Variants in MRPL3 observed in about 807,000 individuals in gnomAD.
MRPL3 encodes mitochondrial ribosomal protein L3.
Under a neutral mutation model 44.3 loss-of-function variants are expected in MRPL3, and 43 were observed. That is an observed-to-expected ratio of 0.97 (90% CI 0.76 to 1.25). The LOEUF (loss-of-function observed/expected upper bound fraction) is 1.25, where lower values mean the gene tolerates loss of function less well. MRPL3 is among the 50% of genes most tolerant of loss of function. The pLI is 0.00. For missense variants in MRPL3, 406 were observed against 427.6 expected, an observed-to-expected ratio of 0.95 and a Z score of 0.45; for synonymous variants, 171 against 152.3, an observed-to-expected ratio of 1.12 and a Z score of -0.91.
At chr3:131,465,295 G>C (rs974676668) in intron 9 of MRPL3, among the ~76,000 whole-genome samples, 2 of 152,164 alleles carry the variant, frequency 1.3e-5, no homozygotes, top group Non-Finnish European at 2.9e-5. Flanking sequence ...AGAGTGAATA[G>C]AGTTTTTGGA....
In MRPL3 at chr3:131,469,779, T is replaced by C. The variant is rs753928484; in HGVS notation, c.739-6A>G. 2 of 1,605,026 alleles carry C rather than the reference T, an allele frequency of 1.2e-6. No individual in the cohort carries two copies. The highest frequency in any genetic ancestry group is 1.7e-6 in the Non-Finnish European group (2 of 1,173,068). ...GGCCAGACTCTGCCAATATCCTAAA[T>C]GAGAAAACTAAAGTTAACACTTTTA... On this transcript the variant is annotated splice_polypyrimidine_tract_variant and splice_region_variant and intron_variant, in intron 7 of 9. Coordinates refer to ENST00000264995, the MANE Select transcript of MRPL3 (RefSeq NM_007208.4).
At position 131,501,714 on chromosome 3, in the gene MRPL3, T is replaced by A. The variant is rs780418386; in HGVS notation, c.94A>T (p.Thr32Ser). The A allele has an allele frequency of 1.2e-6, 2 of 1,601,054 alleles. No individual in the cohort carries two copies. Among genetic ancestry groups the A allele is most frequent in the South Asian group, 2.3e-5 (2 of 87,858 alleles). Residue 32 changes from threonine to serine, a missense_variant and splice_region_variant, in exon 2 of 10, where the codon ACA (threonine) becomes TCA (serine). Physicochemically the swap from Thr to Ser is moderately conservative, Grantham distance 58. Coordinates refer to ENST00000264995, the MANE Select transcript of MRPL3 (RefSeq NM_007208.4). The stretch of plus-strand genomic sequence containing the variant: ...CCTCTAACAAAAAGCCAGATGTGTG[T>A]TCTATAAAAAGAAAAAATAAATAAA... ...LGAALGPGNR[T>S]HIWLFVRGLH...
intron 6 of MRPL3, among the ~76,000 whole-genome samples, chr3:131,477,714 T>C (rs1373152180): frequency 6.6e-6 from 1 of 152,182 alleles, no homozygotes; most frequent in African/African-American, 2.4e-5. Context: ...TCAGTAGAGA[T>C]CTCTAAAAGA....
chr3:131,498,313 C>T (rs1934414034), intron 3 of MRPL3, 36 bp from the exon 4 acceptor site: 12 of 1,345,088 alleles, frequency 8.9e-6, no homozygotes, highest in Non-Finnish European at 1.2e-5. Flanking sequence ...AAGCATGTGC[C>T]AATATATATT....
At chr3:131,467,953 C>T in intron 9 of MRPL3, 138 bp downstream of exon 9, 1 of 446,324 alleles carries the variant, frequency 2.2e-6, no homozygotes. Context: ...TATTTATAAG[C>T]CACATATATG....
At chr3:131,470,941 G>A (rs1210987954) in intron 7 of MRPL3, among the ~76,000 whole-genome samples, 1 of 152,048 alleles carries the variant, frequency 6.6e-6, no homozygotes, top group African/African-American at 2.4e-5. Flanking sequence ...TAGACTCAGG[G>A]TATATACAGC....
At chr3:131,495,538 C>T (rs556783256) in intron 4 of MRPL3, among the ~76,000 whole-genome samples, 1 of 152,116 alleles carries the variant, frequency 6.6e-6, no homozygotes, top group South Asian at 2.1e-4. Flanking sequence ...CAAAATCCAC[C>T]ACAACATTAG....
chr3:131,468,049 C>A (rs200782875), intron 9 of MRPL3, 42 bp downstream of exon 9: 210 of 860,632 alleles, frequency 2.4e-4, no homozygotes, highest in South Asian at 1.0e-3. Context: ...GAGTAAGAAA[C>A]AAAAAAAAAA....
chr3:131,486,158 TAC>T (rs1006017867), intron 6 of MRPL3, among the ~76,000 whole-genome samples: 3 of 151,942 alleles, frequency 2.0e-5, no homozygotes, highest in Non-Finnish European at 4.4e-5. Flanking sequence ...ATCCCTTTCT[TAC>T]ACCTTATACA....
At chr3:131,479,235 C>T in intron 6 of MRPL3, 1 of 511,102 alleles carries the variant, frequency 2.0e-6, no homozygotes, top group Non-Finnish European at 3.9e-6. Context: ...AGTATGCCCT[C>T]CAAATTAAGT....
intron 6 of MRPL3, among the ~76,000 whole-genome samples, chr3:131,484,966 T>C (rs902109361): frequency 2.0e-5 from 3 of 152,168 alleles, no homozygotes; most frequent in Non-Finnish European, 4.4e-5. Context: ...GAATATTGTA[T>C]TGTAGCCCAT....
chr3:131,496,238 T>G (rs915963917), intron 4 of MRPL3, among the ~76,000 whole-genome samples: 2 of 152,194 alleles, frequency 1.3e-5, no homozygotes, highest in Non-Finnish European at 2.9e-5. Flanking sequence ...TGGTACATAA[T>G]AAATTTTTAA....
At chr3:131,489,948 T>A in intron 5 of MRPL3, 33 bp downstream of exon 5, 1 of 1,417,590 alleles carries the variant, frequency 7.1e-7, no homozygotes, top group Non-Finnish European at 9.9e-7. Flanking sequence ...TTTGGGTATT[T>A]TTACCTCCCT....
intron 5 of MRPL3, 107 bp from the exon 6 acceptor site, chr3:131,487,847 G>GT: frequency 1.3e-6 from 1 of 786,312 alleles, no homozygotes. Context: ...TTCAAAAATG[G>GT]TAAGAGATTC....
chr3:131,488,902 A>G (rs1934187570), intron 5 of MRPL3: 1 of 152,072 alleles, frequency 6.6e-6, no homozygotes, highest in Non-Finnish European at 1.5e-5. Context: ...TGATTTGTCA[A>G]TCAAAAAATA....
intron 6 of MRPL3, among the ~76,000 whole-genome samples, chr3:131,478,370 G>T (rs1242794562): frequency 2.0e-5 from 3 of 151,988 alleles, no homozygotes; most frequent in Non-Finnish European, 4.4e-5. Flanking sequence ...TCCTACCACA[G>T]GGCAGAATTC....
intron 4 of MRPL3, among the ~76,000 whole-genome samples, chr3:131,496,594 T>C (rs908428662): frequency 2.0e-5 from 3 of 152,178 alleles, no homozygotes; most frequent in African/African-American, 7.2e-5. Flanking sequence ...TCCTTGTTCC[T>C]ATCCCAGAGT....
chr3:131,488,040 A>G (rs1386698088), intron 5 of MRPL3, among the ~76,000 whole-genome samples: 1 of 152,216 alleles, frequency 6.6e-6, no homozygotes, highest in East Asian at 1.9e-4. Context: ...ACAGTATACT[A>G]AATTAAGATA....
At chr3:131,466,888 C>CT (rs1469687034) in intron 9 of MRPL3, among the ~76,000 whole-genome samples, 1 of 151,796 alleles carries the variant, frequency 6.6e-6, no homozygotes, top group Non-Finnish European at 1.5e-5. Flanking sequence ...TGAAATATAC[C>CT]TTACTATTAG....
Sources: allele counts gnomAD v4.1 joint callset (sites outside exome capture counted in the v4.1 genomes callset), GRCh38; gene constraint gnomAD v4.1.1; transcripts MANE v1.5; gene names NCBI Gene and HGNC (gene_info 2026-07-23, HGNC 2026-07-21).